TMPRSS7: variants seen among roughly 807,000 people sequenced by gnomAD.
TMPRSS7 encodes transmembrane serine protease 7.
TMPRSS7 carries 81 observed loss-of-function variants against 95.6 expected under a neutral mutation model. The observed-to-expected ratio is 0.85, with a 90% CI of 0.71 to 1.02. The LOEUF (loss-of-function observed/expected upper bound fraction) is 1.02. Ranked by LOEUF, TMPRSS7 falls within the 50% of genes least tolerant of loss-of-function variation. TMPRSS7 has a pLI of 0.00. For synonymous variants in TMPRSS7, 364 were observed against 337.8 expected (o/e 1.08, Z -0.85); for missense variants, 945 against 955.2 (o/e 0.99, Z 0.14).
At chr3:112,047,046 T>C in intron 6 of TMPRSS7, 34 bp downstream of exon 6, 1 of 697,422 alleles carries the variant, frequency 1.4e-6, no homozygotes. Flanking sequence ...CCTCCCCCCA[T>C]GTTAATATTG....
chr3:112,056,854 C>T (rs1267238538), intron 9 of TMPRSS7, among the ~76,000 whole-genome samples, 171 bp from the exon 10 acceptor site: 1 of 152,216 alleles, frequency 6.6e-6, no homozygotes, highest in East Asian at 1.9e-4. Context: ...CTGCCTGCTT[C>T]CTTCTTCAGA....
At chr3:112,041,798 G>A (rs959493635) in intron 2 of TMPRSS7, 122 bp from the exon 3 acceptor site, 3 of 648,738 alleles carry the variant, frequency 4.6e-6, no homozygotes, top group Non-Finnish European at 8.1e-6. Flanking sequence ...CTCTGAACCA[G>A]TTAGTATGTA....
intron 10 of TMPRSS7, among the ~76,000 whole-genome samples, chr3:112,058,252 T>C (rs1440300968): frequency 6.6e-6 from 1 of 152,240 alleles, no homozygotes; most frequent in Non-Finnish European, 1.5e-5. Flanking sequence ...TTCATTGGAA[T>C]AGGCTTTATC....
At chr3:112,059,971 T>C (rs1354598116) in intron 10 of TMPRSS7, among the ~76,000 whole-genome samples, 1 of 152,168 alleles carries the variant, frequency 6.6e-6, no homozygotes, top group Non-Finnish European at 1.5e-5. Flanking sequence ...TGTAGGTTCT[T>C]TTCTATTTTC....
chr3:112,046,778 C>G (rs2107740292), intron 5 of TMPRSS7, among the ~76,000 whole-genome samples, 196 bp from the exon 6 acceptor site: 1 of 152,224 alleles, frequency 6.6e-6, no homozygotes, highest in East Asian at 1.9e-4. Context: ...CGACAACTAC[C>G]AACTCACTCA....
chr3:112,070,396 G>C (rs1235162399), intron 13 of TMPRSS7, among the ~76,000 whole-genome samples: 2 of 152,200 alleles, frequency 1.3e-5, no homozygotes, highest in African/African-American at 2.4e-5. Context: ...TTAACCTTCT[G>C]TCTTGTTGAT....
intron 10 of TMPRSS7, among the ~76,000 whole-genome samples, chr3:112,057,700 A>T (rs1481650053): frequency 6.6e-6 from 1 of 152,118 alleles, no homozygotes; most frequent in Non-Finnish European, 1.5e-5. Flanking sequence ...GCACTGAATT[A>T]AATAGTTTTG....
intron 9 of TMPRSS7, among the ~76,000 whole-genome samples, chr3:112,051,526 TC>T (rs1356368985): frequency 6.0e-5 from 8 of 133,658 alleles, no homozygotes; most frequent in Non-Finnish European, 9.8e-5. Flanking sequence ...TATCTATCTA[TC>T]TATCTATCTA....
At chr3:112,063,721 G>GCAGTAA in intron 12 of TMPRSS7, 89 bp downstream of exon 12, 1 of 1,129,826 alleles carries the variant, frequency 8.9e-7, no homozygotes, top group Non-Finnish European at 1.3e-6. Context: ...CTTAGTATTT[G>GCAGTAA]TAGTTATTAT....
rs150971239 is a variant in TMPRSS7, at chr3:112,058,462, T to C, written c.1310+1331T>C. Among the ~76,000 whole-genome samples, 525 of 152,336 alleles carry C rather than the reference T, an allele frequency of 3.4e-3. 9 individuals carry two copies. The highest frequency in any genetic ancestry group is 1.4e-3 in the Non-Finnish European group (92 of 68,022). The stretch of plus-strand genomic sequence containing the variant: ...GTTGGTGAAATGAGGTAATGATTCT[T>C]AATAAGTTTTTCTTGTTTGTTTTTT... On this transcript the variant is annotated intron_variant, in intron 10 of 17. Transcript: ENST00000452346.
chr3:112,037,133 A>G (rs2073155170), intron 1 of TMPRSS7, among the ~76,000 whole-genome samples: 1 of 152,260 alleles, frequency 6.6e-6, no homozygotes, highest in African/African-American at 2.4e-5. Flanking sequence ...AGCAATGTTC[A>G]GGGAACAAGG....
chr3:112,076,424 A>C (rs1294216459), intron 15 of TMPRSS7, among the ~76,000 whole-genome samples: 1 of 152,208 alleles, frequency 6.6e-6, no homozygotes, highest in African/African-American at 2.4e-5. Context: ...AATTTCATTA[A>C]ATTCCTGCTT....
intron 14 of TMPRSS7, 48 bp downstream of exon 14, chr3:112,074,460 T>G: frequency 7.1e-7 from 1 of 1,416,528 alleles, no homozygotes; most frequent in Non-Finnish European, 9.8e-7. Context: ...CTCTTCAGTT[T>G]ACCTGTTTGT....
chr3:112,074,153 C>G (rs1048199227), intron 13 of TMPRSS7, 143 bp from the exon 14 acceptor site: 12 of 591,332 alleles, frequency 2.0e-5, no homozygotes, highest in Admixed American at 3.0e-5. Flanking sequence ...CTTCTCTTCT[C>G]TCTGCCATTT....
chr3:112,044,542 A>G (rs2073252814), intron 4 of TMPRSS7, among the ~76,000 whole-genome samples: 1 of 152,148 alleles, frequency 6.6e-6, no homozygotes, highest in African/African-American at 2.4e-5. Context: ...CCATAGCTAG[A>G]ATCCTGAACC....
intron 1 of TMPRSS7, among the ~76,000 whole-genome samples, chr3:112,036,643 T>C (rs963608158): frequency 6.6e-6 from 1 of 152,002 alleles, no homozygotes; most frequent in African/African-American, 2.4e-5. Flanking sequence ...CTTAACCTCC[T>C]AACCTTCAAG....
rs765342759 is a variant in TMPRSS7 at position 112,078,773 on chromosome 3, G to A, written c.2256G>A (p.Ala752=). ...AAGGCTCCCTCGTTCTGCAGCAAGCGGAGGTAGAGCTCATTGATCAAACGC... is the reference window on the plus strand; with the variant it reads ...AAGGCTCCCTCGTTCTGCAGCAAGCAGAGGTAGAGCTCATTGATCAAACGC... Residue 752 remains alanine (A), a synonymous_variant, in exon 17 of 18, where the codon GCG becomes GCA. Transcript: ENST00000452346. 40 of 1,614,078 alleles carry A rather than the reference G, an allele frequency of 2.5e-5. No individual in the cohort carries two copies. The Admixed American group carries it at 3.5e-4, about 14-fold the overall frequency.
At chr3:112,042,612 G>A (rs370125657) in intron 3 of TMPRSS7, among the ~76,000 whole-genome samples, 3 of 152,124 alleles carry the variant, frequency 2.0e-5, no homozygotes, top group South Asian at 2.1e-4. Flanking sequence ...ATTATATTCA[G>A]TTTTATAAAC....
At position 112,075,505 on chromosome 3, in the gene TMPRSS7, G is replaced by A. The variant is rs771130962; in HGVS notation, c.1955+13G>A. 1.4e-5 allele frequency: 20 copies of A among 1,418,710 alleles called. No individual in the cohort carries two copies. Among genetic ancestry groups the A allele is most frequent in the Middle Eastern group, 2.2e-4 (1 of 4,472 alleles). The allele number at this position is 1,418,710 out of a possible 1,614,324, so 87.9% of individuals were successfully genotyped here. ...TTCATGGAAACAGGTAGGGCCTCAC[G>A]GTCCTTACTTTCAAGTGGCACTCTG... On this transcript the variant is annotated intron_variant, in intron 15 of 17. Coordinates refer to ENST00000452346, the Ensembl canonical transcript of TMPRSS7.
Sources: allele counts gnomAD v4.1 joint callset (sites outside exome capture counted in the v4.1 genomes callset), GRCh38; gene constraint gnomAD v4.1.1; transcripts MANE v1.5; gene names NCBI Gene and HGNC (gene_info 2026-07-23, HGNC 2026-07-21).